LGSN: variants seen among roughly 807,000 people sequenced by gnomAD.
The protein encoded by LGSN is lengsin, lens protein with glutamine synthetase domain, also known as lengsin.
Under a neutral mutation model 19.5 loss-of-function variants are expected in LGSN, and 21 were observed. The observed-to-expected ratio is 1.07, with a 90% CI of 0.76 to 1.55. The LOEUF (loss-of-function observed/expected upper bound fraction) is 1.55. Ranked by LOEUF, LGSN falls within the 40% of genes most tolerant of loss-of-function variation. The pLI is 0.00. For synonymous variants in LGSN, 257 were observed against 215.6 expected, an observed-to-expected ratio of 1.19 and a Z score of -1.68; for missense variants, 673 against 608.5, an observed-to-expected ratio of 1.11 and a Z score of -1.12.
At chr6:63,321,443 A>G (rs777612548), upstream of LGSN, among the ~76,000 whole-genome samples, 6 of 152,190 alleles carry the variant, frequency 3.9e-5, no homozygotes, top group Non-Finnish European at 7.4e-5. Context: ...CCTTTATAGT[A>G]CTACTTACCC....
the LGSN span, among the ~76,000 whole-genome samples, chr6:63,419,907 A>C: frequency 1.8e-5 from 2 of 113,294 alleles, no homozygotes; most frequent in Non-Finnish European, 3.8e-5. Context: ...AAAAAAAAAA[A>C]AAAAAAAAAA....
At chr6:63,482,435 A>G in the LGSN span, among the ~76,000 whole-genome samples, 2 of 152,216 alleles carry the variant, frequency 1.3e-5, no homozygotes, top group East Asian at 1.9e-4. Flanking sequence ...GTACTATCCA[A>G]AAAGGTTTAT....
the LGSN span, chr6:63,441,516 G>A: frequency 4.7e-6 from 2 of 424,710 alleles, no homozygotes; most frequent in South Asian, 4.0e-5. Flanking sequence ...AACACATGAA[G>A]GCTGTACAGA....
At chr6:63,537,760 G>C in the LGSN span, among the ~76,000 whole-genome samples, 1 of 152,184 alleles carries the variant, frequency 6.6e-6, no homozygotes, top group Admixed American at 6.5e-5. Flanking sequence ...GGACCCTACA[G>C]TTTAATTTGT....
At chr6:63,310,559 A>G (rs1350402397) in intron 1 of LGSN, among the ~76,000 whole-genome samples, 1 of 152,188 alleles carries the variant, frequency 6.6e-6, no homozygotes, top group Non-Finnish European at 1.5e-5. Flanking sequence ...AGATAAAAAT[A>G]TAAAATATAA....
chr6:63,526,825 A>ATATATATATG, the LGSN span, among the ~76,000 whole-genome samples: 1 of 143,484 alleles, frequency 7.0e-6, no homozygotes, highest in African/African-American at 2.6e-5. Flanking sequence ...ATATATATAT[A>ATATATATATG]TATATATATA....
Position 63,280,544 on chromosome 6 carries a change from T to C in LGSN, c.1007A>G (p.Gln336Arg). 1 of 1,614,104 alleles carries C rather than the reference T, an allele frequency of 6.2e-7. No individual in the cohort carries two copies. Among genetic ancestry groups the C allele is most frequent in the Non-Finnish European group, 8.5e-7 (1 of 1,180,038 alleles). The change falls in exon 4 of 4, where the codon CAG (glutamine) becomes CGG (arginine). Residue 336 changes from glutamine to arginine, a missense_variant. Coordinates refer to ENST00000370657, the MANE Select transcript of LGSN (RefSeq NM_016571.3). ...NMFCSTSGTE[Q>R]LTITGKKWLA... Reference sequence around the variant, plus strand: ...CCATTTTTTCCCAGTGATCGTGAGCTGCTCAGTTCCAGAAGTGCTGCAGAA... The same window carrying C: ...CCATTTTTTCCCAGTGATCGTGAGCCGCTCAGTTCCAGAAGTGCTGCAGAA...
the LGSN span, among the ~76,000 whole-genome samples, chr6:63,543,276 C>T: frequency 4.0e-4 from 61 of 152,288 alleles, no homozygotes; most frequent in African/African-American, 1.3e-3. Context: ...ATCATTCAGA[C>T]GTCAACTAAA....
At chr6:63,539,898 T>C in the LGSN span, among the ~76,000 whole-genome samples, 1 of 152,156 alleles carries the variant, frequency 6.6e-6, no homozygotes, top group Non-Finnish European at 1.5e-5. Context: ...AATAATACAG[T>C]GACATAACCC....
chr6:63,518,715 A>G, the LGSN span, among the ~76,000 whole-genome samples: 3 of 152,264 alleles, frequency 2.0e-5, no homozygotes, highest in African/African-American at 7.2e-5. Context: ...AACAACAGAG[A>G]GGACAAAAGC....
chr6:63,361,389 G>A, the LGSN span, among the ~76,000 whole-genome samples: 1 of 152,170 alleles, frequency 6.6e-6, no homozygotes, highest in Non-Finnish European at 1.5e-5. Context: ...CTGCCACCTT[G>A]CAGTTTGATC....
the LGSN span, among the ~76,000 whole-genome samples, chr6:63,496,084 A>T: frequency 1.3e-5 from 2 of 151,796 alleles, no homozygotes; most frequent in Non-Finnish European, 2.9e-5. Flanking sequence ...CTGCCACCAC[A>T]CCTGGCTAAT....
the LGSN span, among the ~76,000 whole-genome samples, chr6:63,377,439 T>C: frequency 6.6e-6 from 1 of 152,180 alleles, no homozygotes; most frequent in Non-Finnish European, 1.5e-5. Flanking sequence ...AACTCAGCCC[T>C]GGGGAGTTGG....
intron 1 of LGSN, among the ~76,000 whole-genome samples, chr6:63,308,911 T>C (rs562722401): frequency 9.2e-5 from 14 of 152,248 alleles, no homozygotes; most frequent in Non-Finnish European, 1.9e-4. Context: ...AGAAGTGTTA[T>C]TTCAAAGACT....
chr6:63,530,689 T>C, the LGSN span, among the ~76,000 whole-genome samples: 1 of 152,146 alleles, frequency 6.6e-6, no homozygotes, highest in Non-Finnish European at 1.5e-5. Context: ...AAATAAAACA[T>C]ATACATAGAA....
At chr6:63,309,324 C>T (rs1274765931) in intron 1 of LGSN, among the ~76,000 whole-genome samples, 2 of 151,890 alleles carry the variant, frequency 1.3e-5, no homozygotes, top group South Asian at 4.2e-4. Context: ...CCCAGCTACT[C>T]CAGAGGCTGA....
intron 1 of LGSN, among the ~76,000 whole-genome samples, chr6:63,297,824 A>C (rs546747986): frequency 3.3e-4 from 50 of 152,328 alleles, no homozygotes; most frequent in African/African-American, 1.2e-3. Context: ...TTTGACTTAA[A>C]AATTTCTAAG....
At chr6:63,540,516 G>A in the LGSN span, among the ~76,000 whole-genome samples, 2 of 152,100 alleles carry the variant, frequency 1.3e-5, no homozygotes, top group African/African-American at 4.8e-5. Flanking sequence ...AGCTACTCAA[G>A]AGGCTGAGGC....
chr6:63,412,856 G>A, the LGSN span, among the ~76,000 whole-genome samples: 38 of 148,532 alleles, frequency 2.6e-4, no homozygotes. Flanking sequence ...AAGGAAGGGA[G>A]AGAGAGAGTA....
Sources: gnomAD v4.1 joint callset for allele counts (sites outside exome capture counted in the v4.1 genomes callset) on GRCh38, gnomAD v4.1.1 for gene constraint, MANE v1.5 for transcripts, NCBI Gene and HGNC (gene_info 2026-07-23, HGNC 2026-07-21) for gene names.